Variants in SLC9A9 observed in about 807,000 individuals in gnomAD.
SLC9A9 encodes solute carrier family 9 member A9.
SLC9A9 carries 62 observed loss-of-function variants against 77.8 expected under a neutral mutation model. The ratio of observed to expected loss-of-function variants is 0.80; its 90% CI spans 0.65 to 0.98. The LOEUF (loss-of-function observed/expected upper bound fraction) is 0.98. Ranked by LOEUF, SLC9A9 falls within the 50% of genes least tolerant of loss-of-function variation. The pLI, the probability that SLC9A9 is intolerant of heterozygous loss-of-function variation, is 0.00. For synonymous variants in SLC9A9, 320 were observed against 283.5 expected (o/e 1.13, Z -1.29); for missense variants, 775 against 774.9 (o/e 1.00, Z 0.00).
intron 12 of SLC9A9, among the ~76,000 whole-genome samples, chr3:143,419,101 A>G (rs554654225): frequency 5.5e-4 from 83 of 152,056 alleles, no homozygotes; most frequent in Middle Eastern, 3.4e-3. Context: ...CCAAGAACCC[A>G]TTTTCTTAGT....
At chr3:143,510,597 C>T (rs990740286) in intron 9 of SLC9A9, among the ~76,000 whole-genome samples, 14 of 152,092 alleles carry the variant, frequency 9.2e-5, no homozygotes, top group African/African-American at 1.9e-4. Context: ...ATTCTTATTA[C>T]GTCTTCTTGT....
intron 5 of SLC9A9, among the ~76,000 whole-genome samples, chr3:143,666,794 A>T (rs1054419473): frequency 6.6e-6 from 1 of 152,220 alleles, no homozygotes; most frequent in Non-Finnish European, 1.5e-5. Flanking sequence ...GGACCTCTTC[A>T]AGGAGAAATA....
chr3:143,583,083 G>A (rs780703333), intron 6 of SLC9A9, among the ~76,000 whole-genome samples: 2 of 152,114 alleles, frequency 1.3e-5, no homozygotes, highest in Non-Finnish European at 2.9e-5. Context: ...AGCAGGGAAG[G>A]TTGAGGCTGT....
At chr3:143,619,878 G>A (rs2038171242) in intron 6 of SLC9A9, among the ~76,000 whole-genome samples, 1 of 152,204 alleles carries the variant, frequency 6.6e-6, no homozygotes, top group Non-Finnish European at 1.5e-5. Flanking sequence ...ATCGCATTAA[G>A]TTTTCACAAA....
intron 12 of SLC9A9, among the ~76,000 whole-genome samples, chr3:143,403,342 T>C (rs1301856546): frequency 6.6e-6 from 1 of 152,182 alleles, no homozygotes; most frequent in Non-Finnish European, 1.5e-5. Flanking sequence ...CTTTATATCC[T>C]ATAGACACAA....
At chr3:143,430,683 G>A (rs2034498729) in intron 12 of SLC9A9, among the ~76,000 whole-genome samples, 1 of 152,162 alleles carries the variant, frequency 6.6e-6, no homozygotes, top group Non-Finnish European at 1.5e-5. Context: ...CACTCACATT[G>A]GATAGATTTA....
chr3:143,757,140 T>C (rs1420310887), intron 4 of SLC9A9, among the ~76,000 whole-genome samples: 8 of 152,122 alleles, frequency 5.3e-5, no homozygotes, highest in Admixed American at 5.2e-4. Flanking sequence ...AGATGATCCA[T>C]AAAGCCAAAC....
intron 12 of SLC9A9, among the ~76,000 whole-genome samples, chr3:143,412,487 C>T (rs985015929): frequency 4.6e-5 from 7 of 152,172 alleles, no homozygotes; most frequent in African/African-American, 1.7e-4. Context: ...GACCAGGCTC[C>T]TTCTCCGGTG....
chr3:143,501,002 G>A (rs865883504), intron 9 of SLC9A9, among the ~76,000 whole-genome samples: 66 of 150,510 alleles, frequency 4.4e-4, no homozygotes, highest in Non-Finnish European at 5.9e-4. Flanking sequence ...ATGGATTCTA[G>A]CTCACTCCTT....
At chr3:143,469,203 A>C (rs1360241584) in intron 11 of SLC9A9, among the ~76,000 whole-genome samples, 1 of 152,152 alleles carries the variant, frequency 6.6e-6, no homozygotes, top group East Asian at 1.9e-4. Flanking sequence ...TAGAACTTGA[A>C]ATCGAAACGT....
At chr3:143,561,398 G>A (rs2037081912) in intron 8 of SLC9A9, among the ~76,000 whole-genome samples, 1 of 151,984 alleles carries the variant, frequency 6.6e-6, no homozygotes, top group Non-Finnish European at 1.5e-5. Flanking sequence ...CAAGAAACTG[G>A]ACAAGGGGCA....
At chr3:143,495,037 T>C (rs1481907022) in intron 10 of SLC9A9, among the ~76,000 whole-genome samples, 2 of 152,248 alleles carry the variant, frequency 1.3e-5, no homozygotes, top group Non-Finnish European at 2.9e-5. Flanking sequence ...TTTATGTAAA[T>C]GATTCATAAT....
At chr3:143,769,675 C>G (rs73011412) in intron 4 of SLC9A9, among the ~76,000 whole-genome samples, 4,486 of 152,230 alleles carry the variant, frequency 0.029, 236 homozygotes, top group African/African-American at 0.1. Flanking sequence ...AAGAATATAG[C>G]AGCAAGTTAT....
chr3:143,315,701 G>C (rs1470653843), intron 14 of SLC9A9, among the ~76,000 whole-genome samples: 2 of 152,218 alleles, frequency 1.3e-5, no homozygotes, highest in African/African-American at 4.8e-5. Context: ...CTCACTCAGA[G>C]GCTGTACCAA....
chr3:143,464,085 A>G (rs1418591605), intron 12 of SLC9A9, among the ~76,000 whole-genome samples: 4 of 152,230 alleles, frequency 2.6e-5, no homozygotes, highest in African/African-American at 9.6e-5. Context: ...GGCCACGTAA[A>G]GTAGATAAAC....
chr3:143,669,537 T>C (rs572930511), intron 5 of SLC9A9, among the ~76,000 whole-genome samples: 1 of 152,326 alleles, frequency 6.6e-6, no homozygotes, highest in South Asian at 2.1e-4. Flanking sequence ...GAAGCATTTA[T>C]ATAGTTGGTT....
At position 143,725,213 on chromosome 3, in the gene SLC9A9, A is replaced by G. The variant is rs538570745; in HGVS notation, c.534-31906T>C. Among the ~76,000 whole-genome samples, 53 of 152,270 alleles carry G rather than the reference A, an allele frequency of 3.5e-4. 1 individual carries two copies. The highest frequency in any genetic ancestry group is 9.8e-4 in the Admixed American group (15 of 15,306). ...CATAGTTCACACCAGTTAGAATGGCAATCATTAAAAAGTCAGGAAACAACA... is the reference window on the plus strand; with the variant it reads ...CATAGTTCACACCAGTTAGAATGGCGATCATTAAAAAGTCAGGAAACAACA... On this transcript the variant is annotated intron_variant, in intron 4 of 15. Transcript: ENST00000316549.
chr3:143,685,266 C>T (rs1027349720), intron 5 of SLC9A9, among the ~76,000 whole-genome samples: 60 of 151,782 alleles, frequency 4.0e-4, no homozygotes, highest in Non-Finnish European at 7.7e-4. Context: ...CAAATGATGT[C>T]TTGGAAATCT....
At chr3:143,561,779 T>A (rs1452394424) in intron 8 of SLC9A9, among the ~76,000 whole-genome samples, 1 of 152,126 alleles carries the variant, frequency 6.6e-6, no homozygotes, top group Non-Finnish European at 1.5e-5. Context: ...GCCATAAATA[T>A]TAGGAGATGA....
Sources: allele counts gnomAD v4.1 joint callset (sites outside exome capture counted in the v4.1 genomes callset), GRCh38; gene constraint gnomAD v4.1.1; transcripts MANE v1.5; gene names NCBI Gene and HGNC (gene_info 2026-07-23, HGNC 2026-07-21).